Variants in CDK14 observed in about 807,000 individuals in gnomAD.
CDK14 encodes cyclin dependent kinase 14.
Under a neutral mutation model 60.7 loss-of-function variants are expected in CDK14, and 34 were observed. The ratio of observed to expected loss-of-function variants is 0.56; its 90% CI spans 0.43 to 0.75. CDK14 has a LOEUF of 0.75. CDK14 is among the 30% of genes least tolerant of loss of function. The pLI is 0.00. For synonymous variants in CDK14, 197 were observed against 203.7 expected (o/e 0.97, Z 0.28); for missense variants, 482 against 564.1 (o/e 0.85, Z 1.47).
chr7:90,712,568 G>A (rs561866540), intron 2 of CDK14, among the ~76,000 whole-genome samples: 4 of 152,072 alleles, frequency 2.6e-5, no homozygotes, highest in South Asian at 4.1e-4. Flanking sequence ...TATGGACATC[G>A]TAATAAATAC....
chr7:91,003,045 C>T (rs1461029536), intron 10 of CDK14, among the ~76,000 whole-genome samples: 2 of 152,156 alleles, frequency 1.3e-5, no homozygotes, highest in African/African-American at 4.8e-5. Flanking sequence ...GCACTCCAGC[C>T]TGGCGACAGT....
At chr7:90,690,865 A>G (rs757603760) in intron 2 of CDK14, among the ~76,000 whole-genome samples, 1 of 152,226 alleles carries the variant, frequency 6.6e-6, no homozygotes, top group Non-Finnish European at 1.5e-5. Context: ...AATGAAAACA[A>G]TTATACTTCT....
chr7:90,933,198 T>A (rs1447379732), intron 8 of CDK14, among the ~76,000 whole-genome samples: 1 of 150,796 alleles, frequency 6.6e-6, no homozygotes, highest in East Asian at 2.0e-4. Context: ...CAGGATTGCC[T>A]GAGCCCAGGA....
chr7:90,803,906 A>C (rs1788734547), intron 5 of CDK14, among the ~76,000 whole-genome samples: 1 of 152,196 alleles, frequency 6.6e-6, no homozygotes, highest in South Asian at 2.1e-4. Context: ...CATACAAATA[A>C]TTAAGTGGTA....
intron 12 of CDK14, among the ~76,000 whole-genome samples, chr7:91,107,087 A>G (rs1181347411): frequency 1.3e-5 from 2 of 152,212 alleles, no homozygotes; most frequent in Admixed American, 1.3e-4. Context: ...CTGTTGCCTC[A>G]TTACTGAATT....
intron 5 of CDK14, among the ~76,000 whole-genome samples, chr7:90,855,911 G>GCTAA: frequency 6.6e-6 from 1 of 152,274 alleles, no homozygotes; most frequent in Admixed American, 6.5e-5. Flanking sequence ...AGGTATCGAT[G>GCTAA]CTAAGGAAGG....
intron 6 of CDK14, 82 bp from the exon 7 acceptor site, chr7:90,899,209 T>C (rs1792426470): frequency 9.2e-7 from 1 of 1,092,670 alleles, no homozygotes; most frequent in Non-Finnish European, 1.3e-6. Flanking sequence ...CAGAAGGTAA[T>C]GGTGAGTTTG....
At chr7:91,055,754 T>C (rs952782823) in intron 11 of CDK14, among the ~76,000 whole-genome samples, 1 of 152,206 alleles carries the variant, frequency 6.6e-6, no homozygotes, top group African/African-American at 2.4e-5. Context: ...AAAGTCATAT[T>C]GAAGAAAAGA....
chr7:90,906,084 C>A (rs1450803092), intron 7 of CDK14, among the ~76,000 whole-genome samples: 1 of 152,050 alleles, frequency 6.6e-6, no homozygotes, highest in Non-Finnish European at 1.5e-5. Context: ...ACAGATATGT[C>A]ATGGGTATTT....
chr7:90,937,968 C>G (rs1416136825), intron 8 of CDK14, among the ~76,000 whole-genome samples: 4 of 152,190 alleles, frequency 2.6e-5, no homozygotes, highest in Non-Finnish European at 5.9e-5. Context: ...ATATGATACT[C>G]TAAAAACCTA....
chr7:90,951,148 G>A (rs549234020), intron 8 of CDK14, among the ~76,000 whole-genome samples: 5 of 152,280 alleles, frequency 3.3e-5, no homozygotes, highest in East Asian at 1.9e-4. Flanking sequence ...CCTTCCCAGT[G>A]TAACTGTCTT....
At chr7:90,694,965 C>T (rs935846787) in intron 2 of CDK14, among the ~76,000 whole-genome samples, 1 of 152,160 alleles carries the variant, frequency 6.6e-6, no homozygotes, top group Non-Finnish European at 1.5e-5. Flanking sequence ...TAAGACCAGA[C>T]ATGATATGTG....
intron 2 of CDK14, among the ~76,000 whole-genome samples, chr7:90,707,037 C>T (rs1801913010): frequency 6.6e-6 from 1 of 152,056 alleles, no homozygotes; most frequent in South Asian, 2.1e-4. Flanking sequence ...AAGATCTGGG[C>T]CCAGCTCTGT....
At chr7:91,107,174 AT>A (rs1452440105) in intron 12 of CDK14, among the ~76,000 whole-genome samples, 1 of 152,218 alleles carries the variant, frequency 6.6e-6, no homozygotes, top group East Asian at 1.9e-4. Flanking sequence ...AGCACTGAAG[AT>A]TTCAAGTGTA....
intron 14 of CDK14, among the ~76,000 whole-genome samples, chr7:91,176,320 G>A (rs1801753337): frequency 6.6e-6 from 1 of 152,124 alleles, no homozygotes; most frequent in Non-Finnish European, 1.5e-5. Context: ...GTGTGTAGAG[G>A]GAAATTTATA....
intron 4 of CDK14, among the ~76,000 whole-genome samples, chr7:90,786,208 C>G (rs1392632375): frequency 1.3e-5 from 2 of 152,168 alleles, no homozygotes; most frequent in Non-Finnish European, 2.9e-5. Context: ...CAACTACAGG[C>G]AAATTTGGCA....
intron 9 of CDK14, among the ~76,000 whole-genome samples, chr7:90,961,577 T>C (rs887847177): frequency 6.6e-6 from 1 of 152,254 alleles, no homozygotes; most frequent in Admixed American, 6.5e-5. Flanking sequence ...GTTTGTACTA[T>C]TTCTAATTAA....
chr7:91,197,401 C>CAAAAA (rs11344173), intron 14 of CDK14, among the ~76,000 whole-genome samples: 1 of 120,190 alleles, frequency 8.3e-6, no homozygotes, highest in African/African-American at 3.4e-5. Context: ...GACTCTGTCT[C>CAAAAA]AAAAAAAAAA....
chr7:91,031,647 T>C (rs1390586087), intron 10 of CDK14, among the ~76,000 whole-genome samples: 2 of 152,142 alleles, frequency 1.3e-5, no homozygotes, highest in African/African-American at 4.8e-5. Context: ...ACGTAGTGAG[T>C]TCATGGGTCC....
Sources: gnomAD v4.1 joint callset for allele counts (sites outside exome capture counted in the v4.1 genomes callset) on GRCh38, gnomAD v4.1.1 for gene constraint, MANE v1.5 for transcripts, NCBI Gene and HGNC (gene_info 2026-07-23, HGNC 2026-07-21) for gene names.